FXYD6: variants seen among roughly 807,000 people sequenced by gnomAD.
The protein encoded by FXYD6 is FXYD domain containing ion transport regulator 6, also known as FXYD domain-containing ion transport regulator 6.
In FXYD6, 7 loss-of-function variants were observed where a neutral mutation model predicts 16.7. The ratio of observed to expected loss-of-function variants is 0.42; its 90% CI spans 0.24 to 0.79. FXYD6 has a LOEUF of 0.79. Ranked by LOEUF, FXYD6 falls within the 30% of genes least tolerant of loss-of-function variation. FXYD6 has a pLI of 0.28. For synonymous variants in FXYD6, 49 were observed against 43.0 expected, an observed-to-expected ratio of 1.14 and a Z score of -0.54; for missense variants, 111 against 116.2, an observed-to-expected ratio of 0.95 and a Z score of 0.21.
chr11:117,850,302 C>G (rs1278399562), intron 1 of FXYD6, among the ~76,000 whole-genome samples: 1 of 152,236 alleles, frequency 6.6e-6, no homozygotes, highest in Non-Finnish European at 1.5e-5. Context: ...AGACCTGAAG[C>G]TGGCCGATAA....
In FXYD6 at chr11:117,872,242, G is replaced by T. The variant is rs1045699583; in HGVS notation, c.-6+4350C>A. ...GTGTGAGCCACTGCCTCCCTGTCGG[G>T]TGTGGGAGATTATATATGTGTGAGG... On this transcript the variant is annotated intron_variant, in intron 1 of 7. Coordinates refer to ENST00000526014, the MANE Select transcript of FXYD6 (RefSeq NM_022003.4). This position sits in a 1 kb window ranked among gnomAD's most constrained non-coding sequence, Gnocchi z 4.9. Among the ~76,000 whole-genome samples the T allele has an allele frequency of 1.3e-5, 2 of 152,166 alleles. No homozygotes were observed. Among genetic ancestry groups the T allele is most frequent in the South Asian group, 4.1e-4 (2 of 4,826 alleles).
intron 1 of FXYD6, among the ~76,000 whole-genome samples, chr11:117,851,791 C>A (rs763650991): frequency 3.3e-5 from 5 of 152,348 alleles, no homozygotes; most frequent in Non-Finnish European, 7.3e-5. Context: ...GACCCTACGG[C>A]GATCCCCAGT....
intron 1 of FXYD6, among the ~76,000 whole-genome samples, chr11:117,862,156 G>T (rs1016584300): frequency 2.6e-5 from 4 of 152,258 alleles, no homozygotes; most frequent in African/African-American, 9.6e-5. Context: ...CGAGACGGGA[G>T]AGGCTGGCCC....
intron 1 of FXYD6, among the ~76,000 whole-genome samples, chr11:117,858,709 CTCTCT>C (rs2056817878): frequency 9.5e-6 from 1 of 105,820 alleles, no homozygotes; most frequent in Non-Finnish European, 2.0e-5. Context: ...CTTTCTCTCT[CTCTCT>C]CCTTCCTTCC....
chr11:117,876,552 GA>G, intron 1 of FXYD6, 39 bp downstream of exon 1: 2 of 152,680 alleles, frequency 1.3e-5, no homozygotes, highest in Non-Finnish European at 2.9e-5. Flanking sequence ...CCCCTCCTCG[GA>G]AAAAGGAGCC....
In FXYD6 at chr11:117,839,776, C is replaced by T; in HGVS notation, c.*21+5G>A. 6.2e-7 allele frequency: 1 copy of T among 1,614,218 alleles called. No individual in the cohort carries two copies. The highest frequency in any genetic ancestry group is 8.5e-7 in the Non-Finnish European group (1 of 1,180,036). ...AGGGGCCAATCCAGGCACTGAGCAT[C>T]TCACCTTCCACCTGATGGCTGCACT... is the stretch of plus-strand genomic sequence containing the variant. On this transcript the variant is annotated splice_donor_5th_base_variant and intron_variant, in intron 7 of 7. Coordinates refer to ENST00000526014, the MANE Select transcript of FXYD6 (RefSeq NM_022003.4).
intron 1 of FXYD6, among the ~76,000 whole-genome samples, chr11:117,863,476 TAA>T (rs752219553): frequency 2.1e-5 from 3 of 140,906 alleles, no homozygotes; most frequent in South Asian, 2.2e-4. Flanking sequence ...GCCATAAGTT[TAA>T]AAAAAAAAAA....
intron 1 of FXYD6, chr11:117,858,423 T>C (rs2056785444): frequency 6.6e-6 from 1 of 152,408 alleles, no homozygotes; most frequent in South Asian, 2.1e-4. Flanking sequence ...TCCCTCTCCA[T>C]GTCAGGGCTG....
chr11:117,860,207 AGCCCTTGG>A (rs2056872775), intron 1 of FXYD6, among the ~76,000 whole-genome samples: 1 of 152,104 alleles, frequency 6.6e-6, no homozygotes, highest in Non-Finnish European at 1.5e-5. Flanking sequence ...CCCAAACTCC[AGCCCTTGG>A]GCCCCACCTC....
At chr11:117,840,475 C>A in intron 5 of FXYD6, 107 bp from the exon 6 acceptor site, 1 of 1,482,508 alleles carries the variant, frequency 6.7e-7, no homozygotes, top group Non-Finnish European at 9.3e-7. Flanking sequence ...CAGGCTCCTC[C>A]CAGTGCCCTG....
At chr11:117,853,852 G>A (rs1014282038) in intron 1 of FXYD6, among the ~76,000 whole-genome samples, 2 of 152,086 alleles carry the variant, frequency 1.3e-5, no homozygotes, top group Admixed American at 1.3e-4. Context: ...GGTGTGGGGA[G>A]AGTAACGGTG....
rs1217429865 is a variant in FXYD6, at chr11:117,837,168, G to A, written c.*1131C>T. 6.6e-6 allele frequency: 1 copy of A among 152,084 alleles called. No individual in the cohort carries two copies. The highest frequency in any genetic ancestry group is 2.4e-5 in the African/African-American group (1 of 41,378). The allele number at this position is 152,084 out of a possible 1,614,324, so 9.4% of individuals were successfully genotyped here. ...CCTTCAACCTCTCACTGTTCCCAAG[G>A]GCTGCACGGAGCCTGCTGAGTCTCC... On this transcript the variant is annotated 3_prime_UTR_variant, in exon 8 of 8. Coordinates refer to ENST00000526014, the MANE Select transcript of FXYD6 (RefSeq NM_022003.4). The surrounding 1 kb of genome is among the most constrained non-coding windows in gnomAD (Gnocchi z 4.4).
In FXYD6 at chr11:117,858,665, TTC is replaced by T. The variant is rs1331930239; in HGVS notation, c.-5-15886_-5-15885del. ...TTTCTTTCTTTCTTTCTTTCTTTCT[TTC>T]TTTCTTTCTTTCTTTCTTTCTTTCT... On this transcript the variant is annotated intron_variant, in intron 1 of 7. Transcript: ENST00000526014. 2.9e-4 allele frequency among the ~76,000 whole-genome samples: 24 copies of T among 83,906 alleles called. 1 individual carries two copies. Among genetic ancestry groups the T allele is most frequent in the African/African-American group, 1.2e-3 (22 of 18,620 alleles). The allele number at this position is 83,906 out of a possible 152,430, so 55.0% of individuals were successfully genotyped here.
Position 117,839,768 on chromosome 11 carries a change from C to T in FXYD6, c.*21+13G>A, listed in dbSNP as rs773391190. 3.7e-6 allele frequency: 6 copies of T among 1,614,106 alleles called. No homozygotes were observed. In the African/African-American group the frequency reaches 5.3e-5, roughly 14 times the overall value. On this transcript the variant is annotated intron_variant, in intron 7 of 7. Coordinates refer to ENST00000526014, the MANE Select transcript of FXYD6 (RefSeq NM_022003.4). Reference sequence around the variant, plus strand: ...ATGGCAACAGGGGCCAATCCAGGCACTGAGCATCTCACCTTCCACCTGATG... The same window carrying T: ...ATGGCAACAGGGGCCAATCCAGGCATTGAGCATCTCACCTTCCACCTGATG...
intron 1 of FXYD6, among the ~76,000 whole-genome samples, chr11:117,874,078 C>A (rs993798519): frequency 6.6e-6 from 1 of 152,194 alleles, no homozygotes; most frequent in African/African-American, 2.4e-5. Context: ...CTACTGGCCA[C>A]GTGACTGCTG....
intron 1 of FXYD6, among the ~76,000 whole-genome samples, chr11:117,871,475 C>T (rs937675575): frequency 6.6e-6 from 1 of 152,192 alleles, no homozygotes; most frequent in African/African-American, 2.4e-5. Context: ...GGAGGCGGGG[C>T]GTGTCCCTCT....
intron 1 of FXYD6, among the ~76,000 whole-genome samples, chr11:117,869,548 A>C (rs2057089905): frequency 6.6e-6 from 1 of 152,176 alleles, no homozygotes; most frequent in East Asian, 1.9e-4. Context: ...CACAGGGTGG[A>C]GCGGGAGAGG....
chr11:117,842,675 A>G (rs1326123845), intron 2 of FXYD6, 44 bp downstream of exon 2: 23 of 1,543,998 alleles, frequency 1.5e-5, no homozygotes, highest in Non-Finnish European at 1.8e-5. Context: ...AGGGCTGGAC[A>G]GGGTTGTCAT....
chr11:117,845,481 T>C (rs1304453712), intron 1 of FXYD6, among the ~76,000 whole-genome samples: 1 of 152,236 alleles, frequency 6.6e-6, no homozygotes, highest in East Asian at 1.9e-4. Flanking sequence ...TTATAGTCTT[T>C]TGAAACTTGC....
Sources: allele counts gnomAD v4.1 joint callset (sites outside exome capture counted in the v4.1 genomes callset), GRCh38; gene constraint gnomAD v4.1.1; non-coding constraint Gnocchi (gnomAD v3.1); transcripts MANE v1.5; gene names NCBI Gene and HGNC (gene_info 2026-07-23, HGNC 2026-07-21).